Variants in DGKH observed in about 807,000 individuals in gnomAD.
The protein encoded by DGKH is diacylglycerol kinase eta, also known as DAG kinase eta.
In DGKH, 90 loss-of-function variants were observed where a neutral mutation model predicts 159.3. That is an observed-to-expected ratio of 0.57 (90% CI 0.48 to 0.67). The LOEUF is 0.67. Among genes scored for constraint, DGKH ranks in the 30% least tolerant of loss-of-function variants. DGKH has a pLI of 0.00. For synonymous variants in DGKH, 536 were observed against 553.8 expected, an observed-to-expected ratio of 0.97 and a Z score of 0.45; for missense variants, 1,181 against 1,506.1, an observed-to-expected ratio of 0.78 and a Z score of 3.57.
rs1867483548 is a variant in DGKH at position 42,239,607 on chromosome 13, C to A, written c.*10419C>A. ...GCCTTTCAGGCCTTCATCATACAAA[C>A]CCTCACCATTTTTCACTCCTGTGCT... On this transcript the variant is annotated 3_prime_UTR_variant, in exon 30 of 30. Transcript: ENST00000337343. 1 of 152,522 alleles carries A rather than the reference C, an allele frequency of 6.6e-6. No individual in the cohort carries two copies. Among genetic ancestry groups the A allele is most frequent in the African/African-American group, 2.4e-5 (1 of 41,446 alleles). The allele number at this position is 152,522 out of a possible 1,614,324, so 9.4% of individuals were successfully genotyped here.
intron 1 of DGKH, among the ~76,000 whole-genome samples, chr13:42,112,581 G>C (rs926714620): frequency 6.6e-6 from 1 of 152,236 alleles, no homozygotes; most frequent in African/African-American, 2.4e-5. Flanking sequence ...GAAAAGCTCA[G>C]ATGATCCTGA....
chr13:42,221,521 C>A, intron 29 of DGKH, 127 bp downstream of exon 29: 2 of 1,217,086 alleles, frequency 1.6e-6, no homozygotes, highest in Non-Finnish European at 2.3e-6. Context: ...ACCTAACATT[C>A]ACTGTCCTGT....
intron 1 of DGKH, among the ~76,000 whole-genome samples, chr13:42,118,770 T>C (rs1257174669): frequency 6.6e-6 from 1 of 152,186 alleles, no homozygotes; most frequent in Admixed American, 6.5e-5. Flanking sequence ...GGGCCTTCTA[T>C]GGTACATGTA....
intron 13 of DGKH, among the ~76,000 whole-genome samples, chr13:42,186,033 G>T (rs1006037962): frequency 6.7e-6 from 1 of 148,184 alleles, no homozygotes; most frequent in South Asian, 2.1e-4. Flanking sequence ...GTGTGTGTGT[G>T]TGTGTGTGTG....
chr13:42,195,151 T>C (rs1957174524), intron 17 of DGKH, 135 bp downstream of exon 17: 1 of 1,229,728 alleles, frequency 8.1e-7, no homozygotes, highest in East Asian at 2.7e-5. Context: ...ATACTTTCAG[T>C]CAGAATCCAG....
At chr13:42,070,797 C>T (rs879491063) in intron 1 of DGKH, 138 of 1,487,466 alleles carry the variant, frequency 9.3e-5, no homozygotes, top group Non-Finnish European at 1.2e-4. Flanking sequence ...TGTTTAGTTC[C>T]GTAAGAGAGC....
At chr13:42,058,138 G>A (rs1232308139) in intron 1 of DGKH, among the ~76,000 whole-genome samples, 1 of 152,054 alleles carries the variant, frequency 6.6e-6, no homozygotes, top group Non-Finnish European at 1.5e-5. Context: ...TTGTGAAAGG[G>A]AACTGCAGGT....
downstream of DGKH, among the ~76,000 whole-genome samples, chr13:42,247,263 T>G (rs1455618931): frequency 6.8e-6 from 1 of 146,626 alleles, no homozygotes. Flanking sequence ...ACAGTCTTGC[T>G]CTGTTGGTCC....
intron 14 of DGKH, 26 bp downstream of exon 14, chr13:42,187,174 A>G (rs765100035): frequency 3.2e-6 from 5 of 1,586,070 alleles, no homozygotes; most frequent in Non-Finnish European, 4.3e-6. Context: ...TCAGGGCATG[A>G]GAGTTGTTTA....
rs527897357 is a variant in DGKH, at chr13:42,239,850, C to A, written c.*10662C>A. 6.6e-6 allele frequency: 1 copy of A among 152,320 alleles called. No homozygotes were observed. Among genetic ancestry groups the A allele is most frequent in the South Asian group, 2.1e-4 (1 of 4,826 alleles). The allele number at this position is 152,320 out of a possible 1,614,324, so 9.4% of individuals were successfully genotyped here. Reference sequence around the variant, plus strand: ...TCTTCCTTTTTAGTATCCTCACCAACCTTCCCTCTGTTGACTTTTGTAATC... The same window carrying A: ...TCTTCCTTTTTAGTATCCTCACCAAACTTCCCTCTGTTGACTTTTGTAATC... On this transcript the variant is annotated 3_prime_UTR_variant, in exon 30 of 30. Transcript: ENST00000337343.
chr13:42,254,523 C>T (rs921662708), intron 30 of DGKH, among the ~76,000 whole-genome samples: 7 of 151,592 alleles, frequency 4.6e-5, no homozygotes, highest in Admixed American at 1.3e-4. Context: ...ATCCCAGCTA[C>T]GTGGGAGGCT....
At chr13:42,190,708 A>G (rs906049681) in intron 16 of DGKH, among the ~76,000 whole-genome samples, 183 bp downstream of exon 16, 1 of 152,186 alleles carries the variant, frequency 6.6e-6, no homozygotes, top group Non-Finnish European at 1.5e-5. Flanking sequence ...CACCTAGACT[A>G]TTGTCCAGTA....
At chr13:42,181,015 G>A (rs1206748622) in intron 13 of DGKH, among the ~76,000 whole-genome samples, 1 of 151,996 alleles carries the variant, frequency 6.6e-6, no homozygotes, top group Non-Finnish European at 1.5e-5. Flanking sequence ...GGTGGCTCAC[G>A]CTTGTAATCC....
intron 1 of DGKH, among the ~76,000 whole-genome samples, chr13:42,064,525 A>G (rs954780241): frequency 2.6e-5 from 4 of 152,142 alleles, no homozygotes; most frequent in African/African-American, 9.7e-5. Context: ...AGCTCTGGAA[A>G]TGATGTTGGA....
chr13:42,154,225 T>C (rs1315339253), intron 3 of DGKH, among the ~76,000 whole-genome samples: 1 of 152,230 alleles, frequency 6.6e-6, no homozygotes, highest in Non-Finnish European at 1.5e-5. Context: ...AGCTTTTAAC[T>C]TGAGAAAAAT....
intron 11 of DGKH, among the ~76,000 whole-genome samples, chr13:42,171,331 C>T (rs1207848216): frequency 3.9e-5 from 6 of 152,184 alleles, no homozygotes; most frequent in African/African-American, 1.4e-4. Flanking sequence ...TGTCCAGGGT[C>T]CTTTCTCAAC....
intron 1 of DGKH, among the ~76,000 whole-genome samples, chr13:42,103,419 G>A (rs757466555): frequency 6.6e-6 from 1 of 152,098 alleles, no homozygotes; most frequent in Admixed American, 6.6e-5. Context: ...TTAGGATGCT[G>A]CAGTTAACAA....
intron 1 of DGKH, among the ~76,000 whole-genome samples, chr13:42,097,714 T>A (rs1954569693): frequency 6.6e-6 from 1 of 152,216 alleles, no homozygotes; most frequent in African/African-American, 2.4e-5. Flanking sequence ...CTCTCCAGAA[T>A]AAACCTCCAG....
rs577306480 is a variant in DGKH, at chr13:42,187,797, C to T, written c.1638+649C>T. 2.6e-5 allele frequency among the ~76,000 whole-genome samples: 4 copies of T among 152,320 alleles called. No individual in the cohort carries two copies. The South Asian group carries it at 8.3e-4, about 32-fold the overall frequency. Reference sequence around the variant, plus strand: ...AGATTTGGGCCAGTTCAGCTGTCTTCCAGCATGGTTCTTTGGATTTCCTAG... The same window carrying T: ...AGATTTGGGCCAGTTCAGCTGTCTTTCAGCATGGTTCTTTGGATTTCCTAG... On this transcript the variant is annotated intron_variant, in intron 14 of 29. Transcript: ENST00000337343.
Sources: allele counts gnomAD v4.1 joint callset (sites outside exome capture counted in the v4.1 genomes callset), GRCh38; gene constraint gnomAD v4.1.1; transcripts MANE v1.5; gene names NCBI Gene and HGNC (gene_info 2026-07-23, HGNC 2026-07-21).